N4BP2L2: variants seen among roughly 807,000 people sequenced by gnomAD.
N4BP2L2 encodes NEDD4-binding protein 2-like 2.
A neutral mutation model predicts 56.2 loss-of-function variants in N4BP2L2; 50 were observed. The observed-to-expected ratio is 0.89, with a 90% CI of 0.71 to 1.13. The LOEUF (loss-of-function observed/expected upper bound fraction) is 1.13. Among genes scored for constraint, N4BP2L2 ranks in the 50% most tolerant of loss-of-function variants. N4BP2L2 has a pLI of 0.00. For missense variants in N4BP2L2, 689 were observed against 693.8 expected (o/e 0.99, Z 0.08); for synonymous variants, 203 against 223.6 (o/e 0.91, Z 0.82).
intron 6 of N4BP2L2, among the ~76,000 whole-genome samples, chr13:32,485,961 T>G (rs1460301551): frequency 8.5e-5 from 13 of 152,156 alleles, no homozygotes; most frequent in South Asian, 4.1e-4. Flanking sequence ...TCTGAGCCAC[T>G]CAGGAGGCTG....
intron 6 of N4BP2L2, among the ~76,000 whole-genome samples, chr13:32,462,567 T>C (rs1260343443): frequency 6.6e-6 from 1 of 152,072 alleles, no homozygotes; most frequent in Non-Finnish European, 1.5e-5. Flanking sequence ...GGTGACTATA[T>C]AGTTAAAAAC....
intron 6 of N4BP2L2, chr13:32,446,319 G>A (rs764364147): frequency 7.7e-7 from 1 of 1,301,386 alleles, no homozygotes; most frequent in Non-Finnish European, 1.0e-6. Flanking sequence ...AGTAAAGAGT[G>A]CTATCTGTGG....
intron 6 of N4BP2L2, chr13:32,446,295 T>C: frequency 1.7e-6 from 2 of 1,174,664 alleles, no homozygotes; most frequent in South Asian, 1.3e-5. Context: ...GGGGCCTCTA[T>C]AAAAAGGATA....
At chr13:32,436,581 GGAGTTT>G (rs2138150413) in intron 8 of N4BP2L2, among the ~76,000 whole-genome samples, 1 of 152,122 alleles carries the variant, frequency 6.6e-6, no homozygotes, top group African/African-American at 2.4e-5. Flanking sequence ...CCTGAGGTCA[GGAGTTT>G]GAGAACAGCG....
chr13:32,485,743 A>C (rs2085715975), intron 6 of N4BP2L2, among the ~76,000 whole-genome samples: 2 of 152,226 alleles, frequency 1.3e-5, no homozygotes, highest in Admixed American at 6.5e-5. Context: ...ACATTCTGTC[A>C]TGACAGAAAT....
intron 3 of N4BP2L2, chr13:32,522,893 G>T (rs1376572446): frequency 6.6e-6 from 1 of 152,018 alleles, no homozygotes; most frequent in Admixed American, 6.6e-5. Flanking sequence ...TTGAAGTAAG[G>T]CTTATGTTTT....
chr13:32,528,556 A>C (rs78826050), intron 2 of N4BP2L2, among the ~76,000 whole-genome samples: 8,727 of 152,254 alleles, frequency 0.057, 852 homozygotes, highest in African/African-American at 0.2. Context: ...ATGACTCATG[A>C]AAGAAATTGG....
At chr13:32,520,678 A>G (rs529356139) in intron 5 of N4BP2L2, among the ~76,000 whole-genome samples, 1 of 148,518 alleles carries the variant, frequency 6.7e-6, no homozygotes, top group Non-Finnish European at 1.5e-5. Context: ...AAAGTAAAGG[A>G]AAAAAAAAAG....
intron 9 of N4BP2L2, among the ~76,000 whole-genome samples, chr13:32,436,114 A>G (rs913033211): frequency 6.6e-6 from 1 of 152,230 alleles, no homozygotes. Flanking sequence ...GTTCTAACCA[A>G]TAAAGTGGGA....
At chr13:32,526,841 T>G (rs1373688425) in intron 3 of N4BP2L2, 29 of 142,512 alleles carry the variant, frequency 2.0e-4, no homozygotes, top group African/African-American at 7.4e-4. Context: ...TTTTTTTTTT[T>G]TTTTTGCTTT....
chr13:32,492,023 A>T (rs1447982342), intron 6 of N4BP2L2, among the ~76,000 whole-genome samples: 8 of 152,208 alleles, frequency 5.3e-5, no homozygotes, highest in Non-Finnish European at 1.2e-4. Flanking sequence ...TTCCTTTGTA[A>T]GAAAAGTCTT....
intron 6 of N4BP2L2, among the ~76,000 whole-genome samples, chr13:32,482,974 T>C (rs1378006434): frequency 1.3e-5 from 2 of 152,266 alleles, no homozygotes; most frequent in Non-Finnish European, 2.9e-5. Flanking sequence ...TTTTAAATTC[T>C]AGTGTGCTCT....
At chr13:32,462,977 AG>A (rs1411814186) in intron 6 of N4BP2L2, among the ~76,000 whole-genome samples, 1 of 151,276 alleles carries the variant, frequency 6.6e-6, no homozygotes, top group Non-Finnish European at 1.5e-5. Context: ...CAGGAGGCGG[AG>A]GCTGCAGTGA....
chr13:32,494,392 C>G (rs1272744502), intron 6 of N4BP2L2, among the ~76,000 whole-genome samples: 1 of 152,048 alleles, frequency 6.6e-6, no homozygotes, highest in Non-Finnish European at 1.5e-5. Flanking sequence ...CAAATAGAAA[C>G]CAATAAGTTG....
chr13:32,443,992 G>T (rs2076671632), exon 7 of N4BP2L2: 2 of 1,608,320 alleles, frequency 1.2e-6, no homozygotes, highest in Non-Finnish European at 1.7e-6. Flanking sequence ...ATCTCCCGGT[G>T]TAAGATCACT....
At chr13:32,518,024 T>A in intron 5 of N4BP2L2, 21 bp from the exon 6 acceptor site, 1 of 1,608,078 alleles carries the variant, frequency 6.2e-7, no homozygotes, top group Non-Finnish European at 8.5e-7. Context: ...AGAAAAGGAT[T>A]GTAAATCTTT....
At chr13:32,492,279 T>TA (rs1363213866) in intron 6 of N4BP2L2, among the ~76,000 whole-genome samples, 1 of 127,704 alleles carries the variant, frequency 7.8e-6, no homozygotes, top group Non-Finnish European at 1.6e-5. Context: ...CAAAATTTTT[T>TA]TTTTTTTTTT....
chr13:32,520,922 G>A (rs955183728), intron 5 of N4BP2L2, among the ~76,000 whole-genome samples: 1 of 152,114 alleles, frequency 6.6e-6, no homozygotes, highest in Non-Finnish European at 1.5e-5. Context: ...CAGATTCTTT[G>A]TTATTTACTT....
intron 2 of N4BP2L2, among the ~76,000 whole-genome samples, chr13:32,530,765 T>A (rs1205353573): frequency 6.6e-6 from 1 of 151,932 alleles, no homozygotes. Flanking sequence ...AGGCCTCCAA[T>A]GATCCCTGCC....
Sources: allele counts gnomAD v4.1 joint callset (sites outside exome capture counted in the v4.1 genomes callset), GRCh38; gene constraint gnomAD v4.1.1; transcripts MANE v1.5; gene names NCBI Gene and HGNC (gene_info 2026-07-23, HGNC 2026-07-21).